Variants in ANKRD29 observed in about 807,000 individuals in gnomAD.
ANKRD29 encodes the protein ankyrin repeat domain 29.
ANKRD29 carries 32 observed loss-of-function variants against 38.0 expected under a neutral mutation model. The observed-to-expected ratio is 0.84, with a 90% CI of 0.64 to 1.13. The LOEUF is 1.13. Ranked by LOEUF, ANKRD29 falls within the 50% of genes most tolerant of loss-of-function variation. The pLI, the probability that ANKRD29 is intolerant of heterozygous loss-of-function variation, is 0.00. For synonymous variants in ANKRD29, 135 were observed against 152.4 expected (o/e 0.89, Z 0.84); for missense variants, 357 against 377.9 (o/e 0.94, Z 0.46).
At position 23,619,526 on chromosome 18, in the gene ANKRD29, C is replaced by T; in HGVS notation, c.627+5G>A. ...GCTCTTTGGCCGCGCGACTCGGGCACTCACGTTCCGCGCAGCGTCGCGGTC... is the reference window on the plus strand; with the variant it reads ...GCTCTTTGGCCGCGCGACTCGGGCATTCACGTTCCGCGCAGCGTCGCGGTC... On this transcript the variant is annotated splice_donor_5th_base_variant and intron_variant, in intron 7 of 9. Transcript: ENST00000592179. 1 of 1,586,856 alleles carries T rather than the reference C, an allele frequency of 6.3e-7. No homozygotes were observed. Among genetic ancestry groups the T allele is most frequent in the Non-Finnish European group, 8.5e-7 (1 of 1,174,942 alleles).
At chr18:23,633,839 G>A (rs929453405) in intron 5 of ANKRD29, among the ~76,000 whole-genome samples, 1 of 152,052 alleles carries the variant, frequency 6.6e-6, no homozygotes, top group African/African-American at 2.4e-5. Context: ...AAAGTGCTGG[G>A]ATTAGAGGCG....
intron 1 of ANKRD29, among the ~76,000 whole-genome samples, chr18:23,649,721 TC>T (rs953544212): frequency 1.8e-4 from 28 of 152,150 alleles, no homozygotes; most frequent in African/African-American, 6.0e-4. Flanking sequence ...CACCTAATTT[TC>T]TTTTTTTGTT....
intron 1 of ANKRD29, among the ~76,000 whole-genome samples, chr18:23,649,935 G>A (rs1447175550): frequency 6.6e-6 from 1 of 151,956 alleles, no homozygotes; most frequent in Non-Finnish European, 1.5e-5. Context: ...TCACCACGTT[G>A]GCCAGGATGG....
intron 5 of ANKRD29, among the ~76,000 whole-genome samples, chr18:23,632,108 A>T (rs1200644611): frequency 6.6e-6 from 1 of 152,258 alleles, no homozygotes; most frequent in Non-Finnish European, 1.5e-5. Context: ...ACTGCCCTCC[A>T]GGCAATCATT....
intron 6 of ANKRD29, among the ~76,000 whole-genome samples, chr18:23,624,466 CAAAAAAAAAAAAAAAAAA>C (rs56005663): frequency 5.9e-4 from 19 of 32,440 alleles, no homozygotes; most frequent in South Asian, 1.6e-3. Context: ...GACTCCATCT[CAAAAAAAAAAAAAAAAAA>C]AAAAAAAAAA....
chr18:23,614,796 T>C (rs1016249988), intron 8 of ANKRD29, among the ~76,000 whole-genome samples: 5 of 151,246 alleles, frequency 3.3e-5, no homozygotes, highest in African/African-American at 4.9e-5. Flanking sequence ...AATCTAAAAA[T>C]ATAAAGAGCA....
chr18:23,657,016 C>T (rs185861852), intron 1 of ANKRD29, among the ~76,000 whole-genome samples: 2 of 152,334 alleles, frequency 1.3e-5, no homozygotes, highest in African/African-American at 2.4e-5. Flanking sequence ...AGTGAATAGG[C>T]CCACCTGGCT....
At chr18:23,639,142 GGGATGAAT>G (rs1192500466) in intron 3 of ANKRD29, among the ~76,000 whole-genome samples, 195 bp from the exon 4 acceptor site, 1 of 152,168 alleles carries the variant, frequency 6.6e-6, no homozygotes, top group East Asian at 1.9e-4. Context: ...TTAGTGAAAT[GGGATGAAT>G]GGTGGCTCCT....
chr18:23,638,831 T>C lies in ANKRD29; in HGVS notation c.330+18A>G. 3 of 1,588,686 alleles carry C rather than the reference T, an allele frequency of 1.9e-6. No individual in the cohort carries two copies. Among genetic ancestry groups the C allele is most frequent in the South Asian group, 2.3e-5 (2 of 87,702 alleles). On this transcript the variant is annotated intron_variant, in intron 4 of 9. Coordinates refer to ENST00000592179, the MANE Select transcript of ANKRD29 (RefSeq NM_173505.4). ...TGAAATTCTTCAACATAATACAAAATCAAGAAGGTTATCTCACTTTGGTCC... is the reference window on the plus strand; with the variant it reads ...TGAAATTCTTCAACATAATACAAAACCAAGAAGGTTATCTCACTTTGGTCC...
At chr18:23,634,834 T>G (rs1291857628) in intron 4 of ANKRD29, among the ~76,000 whole-genome samples, 2 of 152,176 alleles carry the variant, frequency 1.3e-5, no homozygotes, top group East Asian at 3.9e-4. Flanking sequence ...CAGAAAAGCC[T>G]CCCAGGGCTT....
intron 1 of ANKRD29, among the ~76,000 whole-genome samples, chr18:23,656,531 C>T (rs2060286658): frequency 6.6e-6 from 1 of 152,168 alleles, no homozygotes; most frequent in Non-Finnish European, 1.5e-5. Context: ...ATCCTGTCAA[C>T]TTTATTAACT....
intron 4 of ANKRD29, among the ~76,000 whole-genome samples, chr18:23,637,211 G>T (rs1172925699): frequency 6.6e-6 from 1 of 152,104 alleles, no homozygotes; most frequent in Non-Finnish European, 1.5e-5. Context: ...AGGTTCATAG[G>T]ACTTTACTTT....
At chr18:23,623,192 G>A (rs921292167) in intron 6 of ANKRD29, among the ~76,000 whole-genome samples, 3 of 152,120 alleles carry the variant, frequency 2.0e-5, no homozygotes, top group African/African-American at 7.2e-5. Context: ...ACTTCCATAT[G>A]CTTTTTAATT....
intron 2 of ANKRD29, chr18:23,647,320 G>C (rs951332654): frequency 2.0e-5 from 3 of 152,178 alleles, no homozygotes; most frequent in Non-Finnish European, 4.4e-5. Context: ...GGTTAACATA[G>C]TAATGGTAGA....
intron 5 of ANKRD29, 93 bp from the exon 6 acceptor site, chr18:23,630,044 T>C: frequency 9.5e-7 from 1 of 1,052,756 alleles, no homozygotes; most frequent in Non-Finnish European, 1.4e-6. Flanking sequence ...ATGCCTGTAA[T>C]CACAGCACTT....
intron 6 of ANKRD29, among the ~76,000 whole-genome samples, chr18:23,621,116 A>T (rs555767591): frequency 1.3e-5 from 2 of 152,324 alleles, no homozygotes; most frequent in African/African-American, 4.8e-5. Flanking sequence ...AGGGAGCAGG[A>T]TCCAGAATGG....
chr18:23,650,539 T>C (rs1348493910), intron 1 of ANKRD29, among the ~76,000 whole-genome samples: 3 of 152,182 alleles, frequency 2.0e-5, no homozygotes, highest in African/African-American at 7.2e-5. Context: ...GTGGCAGAGC[T>C]GACTGTAGTA....
chr18:23,646,154 T>C (rs1331225961), intron 3 of ANKRD29, 35 bp downstream of exon 3: 2 of 1,594,582 alleles, frequency 1.3e-6, no homozygotes, highest in Admixed American at 1.7e-5. Context: ...TCTCTGAGCC[T>C]GGTCATTTTT....
chr18:23,634,382 TG>T (rs1462677753), intron 4 of ANKRD29, among the ~76,000 whole-genome samples: 2 of 147,020 alleles, frequency 1.4e-5, no homozygotes, highest in Non-Finnish European at 3.0e-5. Context: ...CTCCGCCTCC[TG>T]GGTTCAAGCG....
Sources: gnomAD v4.1 joint callset for allele counts (sites outside exome capture counted in the v4.1 genomes callset) on GRCh38, gnomAD v4.1.1 for gene constraint, MANE v1.5 for transcripts, NCBI Gene and HGNC (gene_info 2026-07-23, HGNC 2026-07-21) for gene names.